CALD1: variants seen among roughly 807,000 people sequenced by gnomAD.
CALD1 encodes the protein caldesmon 1.
Under a neutral mutation model 99.9 loss-of-function variants are expected in CALD1, and 33 were observed. That is an observed-to-expected ratio of 0.33 (90% confidence interval 0.25 to 0.44). The LOEUF is 0.44. Among genes scored for constraint, CALD1 ranks in the 20% least tolerant of loss-of-function variants. The pLI, the probability that CALD1 is intolerant of heterozygous loss-of-function variation, is 1.00. For synonymous variants in CALD1, 310 were observed against 325.0 expected, an observed-to-expected ratio of 0.95 and a Z score of 0.50; for missense variants, 861 against 962.1, an observed-to-expected ratio of 0.89 and a Z score of 1.39.
At chr7:134,811,669 G>A (rs537531452) in intron 1 of CALD1, among the ~76,000 whole-genome samples, 151 of 152,190 alleles carry the variant, frequency 9.9e-4, no homozygotes, top group Non-Finnish European at 1.8e-3. Flanking sequence ...ATTTACAAGC[G>A]ATCTAGTAAA....
chr7:134,731,795 T>G, the CALD1 span, among the ~76,000 whole-genome samples: 1 of 152,194 alleles, frequency 6.6e-6, no homozygotes, highest in East Asian at 1.9e-4. Flanking sequence ...GACACATTTC[T>G]GAAACCTCCT....
In CALD1 at chr7:134,816,860, C is replaced by CTTCA. The variant is rs1277470232; in HGVS notation, c.-129-27023_-129-27020dup. Among the ~76,000 whole-genome samples the CTTCA allele has an allele frequency of 2.0e-5, 3 of 152,282 alleles. No individual in the cohort carries two copies. In the East Asian group the frequency reaches 5.8e-4, roughly 29 times the overall value. On this transcript the variant is annotated intron_variant, in intron 1 of 14. Transcript: ENST00000361675. ...CTGTGTCAGAAGGTAGAACAATGAGCTTCAGTCTTCTTGAACTTCTCTTGT... is the reference window on the plus strand; with the variant it reads ...CTGTGTCAGAAGGTAGAACAATGAGCTTCATTCAGTCTTCTTGAACTTCTCTTGT...
intron 4 of CALD1, among the ~76,000 whole-genome samples, chr7:134,930,034 G>T (rs1329816397): frequency 6.6e-6 from 1 of 152,092 alleles, no homozygotes; most frequent in African/African-American, 2.4e-5. Context: ...GGCATGAATT[G>T]CAGATGTCTT....
At chr7:134,891,475 C>G in intron 3 of CALD1, 1 of 1,377,774 alleles carries the variant, frequency 7.3e-7, no homozygotes, top group Non-Finnish European at 9.5e-7. Flanking sequence ...CGTGTTAACA[C>G]AAAGGGAGAA....
At chr7:134,821,583 CA>C (rs1246473348) in intron 1 of CALD1, among the ~76,000 whole-genome samples, 1 of 140,324 alleles carries the variant, frequency 7.1e-6, no homozygotes, top group South Asian at 2.4e-4. Context: ...GAGTCAACGA[CA>C]TTTTTTTTTT....
At chr7:134,901,832 TG>T (rs1045186696) in intron 3 of CALD1, among the ~76,000 whole-genome samples, 1 of 152,098 alleles carries the variant, frequency 6.6e-6, no homozygotes, top group Non-Finnish European at 1.5e-5. Flanking sequence ...CCTCTGTGTG[TG>T]TCTGTGTTTG....
chr7:134,792,742 C>T (rs966980192), intron 1 of CALD1, among the ~76,000 whole-genome samples: 3 of 152,106 alleles, frequency 2.0e-5, no homozygotes. Flanking sequence ...TATGAATACT[C>T]GGGGGAGATA....
At chr7:134,782,158 A>C (rs1797130623) in intron 1 of CALD1, among the ~76,000 whole-genome samples, 2 of 152,232 alleles carry the variant, frequency 1.3e-5, no homozygotes, top group African/African-American at 4.8e-5. Flanking sequence ...ATTCCTTAGC[A>C]AGACGCAAAA....
the CALD1 span, among the ~76,000 whole-genome samples, chr7:134,723,503 C>T: frequency 6.8e-6 from 1 of 147,232 alleles, no homozygotes; most frequent in Non-Finnish European, 1.5e-5. Flanking sequence ...TCACTAATGA[C>T]TCAAGCTGTC....
At chr7:134,762,025 C>T (rs1796782941) in intron 1 of CALD1, among the ~76,000 whole-genome samples, 2 of 152,144 alleles carry the variant, frequency 1.3e-5, no homozygotes, top group Non-Finnish European at 2.9e-5. Flanking sequence ...GTACAGAGGC[C>T]AGTACTGGAC....
At chr7:134,801,375 T>C (rs7812096) in intron 1 of CALD1, among the ~76,000 whole-genome samples, 2,425 of 152,286 alleles carry the variant, frequency 0.016, 64 homozygotes, top group African/African-American at 0.055. Context: ...ATATATTTTG[T>C]TGATTTCTTT....
intron 7 of CALD1, among the ~76,000 whole-genome samples, chr7:134,946,177 T>C (rs1806853242): frequency 1.3e-5 from 2 of 152,136 alleles, no homozygotes; most frequent in Admixed American, 6.5e-5. Context: ...GTAGATGATA[T>C]AGAAATTATA....
intron 2 of CALD1, among the ~76,000 whole-genome samples, chr7:134,857,571 C>G (rs1005210036): frequency 6.6e-6 from 1 of 152,080 alleles, no homozygotes; most frequent in African/African-American, 2.4e-5. Flanking sequence ...TGACTCATTA[C>G]TATCTAAATT....
At chr7:134,959,762 G>T (rs1808109914) in intron 11 of CALD1, among the ~76,000 whole-genome samples, 1 of 152,152 alleles carries the variant, frequency 6.6e-6, no homozygotes, top group African/African-American at 2.4e-5. Flanking sequence ...TTTCATTTTT[G>T]AAAGATCCTC....
intron 3 of CALD1, among the ~76,000 whole-genome samples, chr7:134,899,373 T>C (rs751370018): frequency 2.0e-5 from 3 of 152,056 alleles, no homozygotes; most frequent in Non-Finnish European, 4.4e-5. Context: ...CTGGCTAATT[T>C]TCCATTTTTA....
chr7:134,856,164 G>C lies in CALD1; in HGVS notation c.-41-11529G>C, dbSNP rs530405241. On this transcript the variant is annotated intron_variant, in intron 2 of 14. Transcript: ENST00000361675. Reference sequence around the variant, plus strand: ...CTCTTTTGGTTTGAATCCTCGAACTGTTGCCTTCCACGTATAGTACAGAGC... The same window carrying C: ...CTCTTTTGGTTTGAATCCTCGAACTCTTGCCTTCCACGTATAGTACAGAGC... Among the ~76,000 whole-genome samples the C allele has an allele frequency of 8.5e-5, 13 of 152,286 alleles. No individual in the cohort carries two copies. The South Asian group carries it at 1.2e-3, about 15-fold the overall frequency.
chr7:134,837,341 C>T (rs1048881705), intron 1 of CALD1, among the ~76,000 whole-genome samples: 1 of 136,152 alleles, frequency 7.3e-6, no homozygotes, highest in Non-Finnish European at 1.6e-5. Context: ...TTCTTTCGTT[C>T]TCCTTTTTTT....
intron 3 of CALD1, among the ~76,000 whole-genome samples, chr7:134,875,791 A>T (rs974103008): frequency 6.6e-6 from 1 of 152,224 alleles, no homozygotes; most frequent in African/African-American, 2.4e-5. Flanking sequence ...CTTCAGGTAA[A>T]TTGCTTATAT....
Position 134,960,124 on chromosome 7 carries a change from T to A in CALD1, c.2199+13T>A, listed in dbSNP as rs377320423. 2 of 1,613,862 alleles carry A rather than the reference T, an allele frequency of 1.2e-6. No individual in the cohort carries two copies. ...CACACCAAATAAGGTGAGCATCTGA[T>A]TTTTGTCTCTTAAGTGTAGAGGGGC... On this transcript the variant is annotated intron_variant, in intron 12 of 14. Transcript: ENST00000361675.
Sources: allele counts gnomAD v4.1 joint callset (sites outside exome capture counted in the v4.1 genomes callset), GRCh38; gene constraint gnomAD v4.1.1; transcripts MANE v1.5; gene names NCBI Gene and HGNC (gene_info 2026-07-23, HGNC 2026-07-21).